The following LY9 variants were observed in gnomAD, a reference collection of about 807,000 sequenced individuals.
The protein encoded by LY9 is lymphocyte antigen 9, also known as T-lymphocyte surface antigen Ly-9.
A neutral mutation model predicts 64.6 loss-of-function variants in LY9; 59 were observed. The ratio of observed to expected loss-of-function variants is 0.91; its 90% confidence interval spans 0.74 to 1.13. The LOEUF (loss-of-function observed/expected upper bound fraction) is 1.13, where lower values mean the gene tolerates loss of function less well. Ranked by LOEUF, LY9 falls within the 50% of genes most tolerant of loss-of-function variation. The pLI, the probability that LY9 is intolerant of heterozygous loss-of-function variation, is 0.00. For synonymous variants in LY9, 281 were observed against 308.5 expected (o/e 0.91, Z 0.93); for missense variants, 789 against 797.2 (o/e 0.99, Z 0.12).
chr1:160,820,685 G>A (rs1302129091), intron 7 of LY9, among the ~76,000 whole-genome samples: 1 of 152,062 alleles, frequency 6.6e-6, no homozygotes, highest in Admixed American at 6.6e-5. Context: ...GTAAAGAGAT[G>A]TTGGGGCCAC....
chr1:160,814,903 C>T (rs1667824236), intron 4 of LY9, 142 bp downstream of exon 4: 1 of 667,110 alleles, frequency 1.5e-6, no homozygotes, highest in Non-Finnish European at 2.5e-6. Flanking sequence ...GTTCAGTTCA[C>T]ACCAGTTGAT....
At chr1:160,826,244 A>G (rs186559047) in intron 9 of LY9, among the ~76,000 whole-genome samples, 78 of 152,304 alleles carry the variant, frequency 5.1e-4, no homozygotes, top group African/African-American at 1.7e-3. Flanking sequence ...TCACCTTCAC[A>G]TTGAGTAGGC....
chr1:160,809,552 G>T (rs1304739847), intron 2 of LY9, among the ~76,000 whole-genome samples: 2 of 151,838 alleles, frequency 1.3e-5, no homozygotes, highest in African/African-American at 4.8e-5. Context: ...TGTAGAGACT[G>T]GTTCTCACTA....
At chr1:160,802,721 T>TAAAC in intron 2 of LY9, 1 of 927,120 alleles carries the variant, frequency 1.1e-6, no homozygotes, top group Non-Finnish European at 1.3e-6. Flanking sequence ...AATAAATAAA[T>TAAAC]AAATAAAAAG....
intron 7 of LY9, 108 bp downstream of exon 7, chr1:160,819,482 G>A: frequency 2.0e-6 from 2 of 998,484 alleles, no homozygotes; most frequent in Non-Finnish European, 3.1e-6. Flanking sequence ...GCATCACCCA[G>A]GAAACTTGTT....
intron 1 of LY9, among the ~76,000 whole-genome samples, chr1:160,796,626 C>T (rs569795186): frequency 1.3e-5 from 2 of 152,232 alleles, no homozygotes; most frequent in South Asian, 2.1e-4. Flanking sequence ...CTCTTGACCT[C>T]GTGATCTGCC....
rs1287199297 is a variant in LY9 at position 160,819,312 on chromosome 1, G to C, written c.1445-9G>C. The C allele has an allele frequency of 1.2e-6, 2 of 1,612,320 alleles. No homozygotes were observed. The highest frequency in any genetic ancestry group is 3.3e-5 in the Admixed American group (2 of 59,992). On this transcript the variant is annotated splice_polypyrimidine_tract_variant and intron_variant, in intron 6 of 9. Transcript: ENST00000263285. ...CTCTTGATAAACCTTCTCTAACTTT[G>C]TTTCTCAGGTTCAGTCCCAGCCTTC...
chr1:160,818,349 A>C, intron 6 of LY9, 30 bp downstream of exon 6: 3 of 1,531,844 alleles, frequency 2.0e-6, no homozygotes, highest in Non-Finnish European at 2.7e-6. Flanking sequence ...GTTGTCCGCC[A>C]GTGCTAGGCC....
intron 2 of LY9, among the ~76,000 whole-genome samples, chr1:160,803,276 G>A (rs1666677180): frequency 6.9e-6 from 1 of 145,424 alleles, no homozygotes; most frequent in South Asian, 2.1e-4. Context: ...AGTGAAAACC[G>A]TGTCTAAAAA....
intron 2 of LY9, 134 bp from the exon 3 acceptor site, chr1:160,813,499 GAGA>G (rs940493952): frequency 2.8e-5 from 22 of 776,784 alleles, no homozygotes; most frequent in Non-Finnish European, 3.9e-5. Flanking sequence ...CCAGCCTGCA[GAGA>G]AGATGTCCCT....
chr1:160,822,382 C>T (rs1243406487), intron 7 of LY9, among the ~76,000 whole-genome samples: 2 of 152,080 alleles, frequency 1.3e-5, no homozygotes, highest in Non-Finnish European at 2.9e-5. Flanking sequence ...GGCTGGTTGC[C>T]GCACCCTAAT....
Position 160,816,811 on chromosome 1 carries a change from C to G in LY9, c.1290C>G (p.Ser430Arg). 1 of 1,614,226 alleles carries G rather than the reference C, an allele frequency of 6.2e-7. No individual in the cohort carries two copies. Among genetic ancestry groups the G allele is most frequent in the Non-Finnish European group, 8.5e-7 (1 of 1,180,032 alleles). The change falls in exon 5 of 10, where the codon AGC (serine) becomes AGG (arginine). Residue 430 changes from serine (S) to arginine (R), a missense_variant. Coordinates refer to ENST00000263285, the MANE Select transcript of LY9 (RefSeq NM_002348.4). Reference protein sequence around the residue: ...ENHPNLTCTASNPVSRSSHQF... With the variant: ...ENHPNLTCTARNPVSRSSHQF... ...ACCCCAACCTCACATGCACAGCCAG[C>G]AACCCTGTCAGCAGGAGTTCCCACC... is the stretch of plus-strand genomic sequence containing the variant.
chr1:160,817,809 A>C (rs1223435151), intron 5 of LY9, among the ~76,000 whole-genome samples: 1 of 152,248 alleles, frequency 6.6e-6, no homozygotes, highest in Non-Finnish European at 1.5e-5. Context: ...CGGTCTACCC[A>C]GGATCTGACA....
At chr1:160,821,222 C>A (rs987226134) in intron 7 of LY9, among the ~76,000 whole-genome samples, 4 of 148,642 alleles carry the variant, frequency 2.7e-5, no homozygotes, top group Non-Finnish European at 4.5e-5. Flanking sequence ...CAAATTCCAT[C>A]TCCAGGTTCT....
At chr1:160,800,904 A>G (rs574301771) in intron 2 of LY9, among the ~76,000 whole-genome samples, 1 of 152,346 alleles carries the variant, frequency 6.6e-6, no homozygotes, top group Admixed American at 6.5e-5. Context: ...TTAGTATTCC[A>G]TGATGTGTAT....
At chr1:160,816,540 G>T in intron 4 of LY9, 54 bp from the exon 5 acceptor site, 2 of 1,520,202 alleles carry the variant, frequency 1.3e-6, no homozygotes, top group South Asian at 2.4e-5. Flanking sequence ...GAAGACAGGT[G>T]ACTGCTCAGG....
rs541717048 is a variant in LY9, at chr1:160,819,664, G to A, written c.1498+290G>A. 4.9e-4 allele frequency among the ~76,000 whole-genome samples: 75 copies of A among 151,570 alleles called. 2 individuals carry two copies. Among genetic ancestry groups the A allele is most frequent in the Non-Finnish European group, 7.8e-4 (53 of 67,878 alleles). On this transcript the variant is annotated intron_variant, in intron 7 of 9. Transcript: ENST00000263285. ...AAATTATCTGGGCATGGTGGTGCACGCCTGTAATCCCAGCTACTCGGGAGG... is the reference window on the plus strand; with the variant it reads ...AAATTATCTGGGCATGGTGGTGCACACCTGTAATCCCAGCTACTCGGGAGG...
At position 160,816,813 on chromosome 1, in the gene LY9, AC is replaced by A; in HGVS notation, c.1295del (p.Pro432LeufsTer30). On this transcript the variant is annotated frameshift_variant, in exon 5 of 10. Coordinates refer to ENST00000263285, the MANE Select transcript of LY9 (RefSeq NM_002348.4). LOFTEE classifies it high-confidence loss of function. ...NHPNLTCTAS[N>X]PVSRSSHQFL... Reference sequence around the variant, plus strand: ...CCCAACCTCACATGCACAGCCAGCAACCCTGTCAGCAGGAGTTCCCACCAGT... The same window carrying A: ...CCCAACCTCACATGCACAGCCAGCAACCTGTCAGCAGGAGTTCCCACCAGT... The A allele has an allele frequency of 6.2e-7, 1 of 1,614,212 alleles. No individual in the cohort carries two copies. Among genetic ancestry groups the A allele is most frequent in the Non-Finnish European group, 8.5e-7 (1 of 1,180,032 alleles).
chr1:160,804,067 T>C (rs1666748679), intron 2 of LY9, among the ~76,000 whole-genome samples: 2 of 152,336 alleles, frequency 1.3e-5, no homozygotes, highest in South Asian at 2.1e-4. Flanking sequence ...TTTTACACTT[T>C]GAATGTTTTT....
Sources: allele counts gnomAD v4.1 joint callset (sites outside exome capture counted in the v4.1 genomes callset), GRCh38; gene constraint gnomAD v4.1.1; transcripts MANE v1.5; gene names NCBI Gene and HGNC (gene_info 2026-07-23, HGNC 2026-07-21).